The following FUT9 variants were observed in gnomAD, a reference collection of about 807,000 sequenced individuals.
The protein encoded by FUT9 is 4-galactosyl-N-acetylglucosaminide 3-alpha-L-fucosyltransferase 9.
In FUT9, 15 loss-of-function variants were observed where a neutral mutation model predicts 29.7. That is an observed-to-expected ratio of 0.51 (90% CI 0.34 to 0.78). The LOEUF (loss-of-function observed/expected upper bound fraction) is 0.78. FUT9 is among the 30% of genes least tolerant of loss of function. The pLI, the probability that FUT9 is intolerant of heterozygous loss-of-function variation, is 0.01. For synonymous variants in FUT9, 169 were observed against 153.7 expected, an observed-to-expected ratio of 1.10 and a Z score of -0.74; for missense variants, 319 against 425.4, an observed-to-expected ratio of 0.75 and a Z score of 2.20.
chr6:96,063,433 C>CT (rs1286362528), intron 1 of FUT9, among the ~76,000 whole-genome samples: 1 of 152,046 alleles, frequency 6.6e-6, no homozygotes, highest in Non-Finnish European at 1.5e-5. Context: ...GGGGGGCACA[C>CT]TTTACAACAA....
At chr6:96,147,940 G>A (rs1203630999) in intron 2 of FUT9, among the ~76,000 whole-genome samples, 2 of 151,248 alleles carry the variant, frequency 1.3e-5, no homozygotes, top group African/African-American at 2.4e-5. Flanking sequence ...AGAGATAAAG[G>A]TAAAAGAACC....
chr6:96,109,181 C>A (rs72929980), intron 1 of FUT9, among the ~76,000 whole-genome samples: 6,168 of 152,208 alleles, frequency 0.041, 177 homozygotes, highest in South Asian at 0.12. Context: ...GTCATCTGGT[C>A]AGCTGAATTA....
intron 2 of FUT9, among the ~76,000 whole-genome samples, chr6:96,151,489 C>A (rs1428634676): frequency 6.6e-6 from 1 of 152,058 alleles, no homozygotes; most frequent in Non-Finnish European, 1.5e-5. Flanking sequence ...TTTAAGGGAC[C>A]AGCCTTCTTT....
intron 1 of FUT9, among the ~76,000 whole-genome samples, chr6:96,099,129 C>G (rs1771546294): frequency 1.3e-5 from 2 of 151,902 alleles, no homozygotes; most frequent in South Asian, 4.1e-4. Flanking sequence ...CATATTTTAC[C>G]TTAGGATGTG....
intron 2 of FUT9, among the ~76,000 whole-genome samples, chr6:96,140,320 T>C (rs528454638): frequency 6.6e-6 from 1 of 152,324 alleles, no homozygotes; most frequent in Admixed American, 6.5e-5. Flanking sequence ...CACATCTTAC[T>C]GTCTTCTGAG....
intron 1 of FUT9, among the ~76,000 whole-genome samples, chr6:96,040,171 G>A (rs1164629139): frequency 1.3e-5 from 2 of 152,100 alleles, no homozygotes; most frequent in Admixed American, 1.3e-4. Context: ...GATTGTCTTT[G>A]TTATCCCACT....
Position 96,100,976 on chromosome 6 carries a change from G to A in FUT9, c.-97-13063G>A, listed in dbSNP as rs188882668. ...TTTAGGAGGCATCAGGATTAAAGAC[G>A]GCATCAAGATTTCTACTTAGTACAT... On this transcript the variant is annotated intron_variant, in intron 1 of 2. Transcript: ENST00000302103. 3.0e-3 allele frequency among the ~76,000 whole-genome samples: 459 copies of A among 152,184 alleles called. 1 individual carries two copies. Among genetic ancestry groups the A allele is most frequent in the African/African-American group, 0.01 (430 of 41,514 alleles).
intron 1 of FUT9, among the ~76,000 whole-genome samples, chr6:96,113,801 C>T (rs1238145912): frequency 6.7e-6 from 1 of 149,904 alleles, no homozygotes; most frequent in African/African-American, 2.4e-5. Flanking sequence ...TTGCAGTAAG[C>T]CGAGATCATG....
intron 1 of FUT9, among the ~76,000 whole-genome samples, chr6:96,053,420 A>G (rs1254860809): frequency 1.3e-5 from 2 of 152,138 alleles, no homozygotes; most frequent in Non-Finnish European, 2.9e-5. Flanking sequence ...AAGAAAATAA[A>G]TTTATAGGCC....
intron 2 of FUT9, among the ~76,000 whole-genome samples, chr6:96,154,308 C>T (rs1772735114): frequency 6.6e-6 from 1 of 151,930 alleles, no homozygotes; most frequent in Non-Finnish European, 1.5e-5. Flanking sequence ...CTTCTTATTC[C>T]CTTTAGTCAT....
intron 1 of FUT9, among the ~76,000 whole-genome samples, chr6:96,032,058 C>A (rs1770271680): frequency 6.6e-6 from 1 of 151,452 alleles, no homozygotes; most frequent in East Asian, 1.9e-4. Flanking sequence ...AACTGATGTA[C>A]CTATGTTATG....
In FUT9 at chr6:96,203,510, A is replaced by G; in HGVS notation, c.355A>G (p.Asn119Asp). 1 of 1,613,104 alleles carries G rather than the reference A, an allele frequency of 6.2e-7. No homozygotes were observed. The highest frequency in any genetic ancestry group is 8.5e-7 in the Non-Finnish European group (1 of 1,179,582). The change falls in exon 3 of 3, where the codon AAT (asparagine) becomes GAT (aspartate). Residue 119 changes from asparagine to aspartate, a missense_variant. Physicochemically the swap from Asn to Asp is conservative, Grantham distance 23. Coordinates refer to ENST00000302103, the MANE Select transcript of FUT9 (RefSeq NM_006581.4). ...CCGAGACATCAGTTGGGATCTGACA[A>G]ATTTACCTCAGCAAGCTAGGCCACC... is the stretch of plus-strand genomic sequence containing the variant. Reference protein sequence around the residue: ...HHRDISWDLTNLPQQARPPFQ... With the variant: ...HHRDISWDLTDLPQQARPPFQ...
Position 96,018,991 on chromosome 6 carries a change from T to G in FUT9, c.-98+2779T>G, listed in dbSNP as rs1242152668. 3.9e-5 allele frequency among the ~76,000 whole-genome samples: 6 copies of G among 151,948 alleles called. No individual in the cohort carries two copies. The South Asian group carries it at 8.3e-4, about 21-fold the overall frequency. On this transcript the variant is annotated intron_variant, in intron 1 of 2. Transcript: ENST00000302103. The stretch of plus-strand genomic sequence containing the variant: ...TCTATTATTTGGTATTATTTTGGTA[T>G]TTGGAATAGCAATTGTTTTCCCACT...
intron 1 of FUT9, among the ~76,000 whole-genome samples, chr6:96,078,545 C>G (rs540361522): frequency 2.0e-5 from 3 of 150,664 alleles, no homozygotes; most frequent in East Asian, 2.0e-4. Context: ...CTCAGCCTCC[C>G]GAGTAGCTGG....
intron 1 of FUT9, among the ~76,000 whole-genome samples, chr6:96,094,974 T>C (rs1042224792): frequency 6.6e-6 from 1 of 152,064 alleles, no homozygotes; most frequent in African/African-American, 2.4e-5. Flanking sequence ...ACCCAAAGTG[T>C]AGCACAATTT....
chr6:96,150,384 G>A (rs756709264), intron 2 of FUT9, among the ~76,000 whole-genome samples: 8 of 152,140 alleles, frequency 5.3e-5, no homozygotes, highest in Non-Finnish European at 8.8e-5. Context: ...AGGAGAAGGA[G>A]GTGTGAGGCA....
At chr6:96,148,942 G>A (rs983911116) in intron 2 of FUT9, among the ~76,000 whole-genome samples, 2 of 152,066 alleles carry the variant, frequency 1.3e-5, no homozygotes, top group Admixed American at 6.6e-5. Flanking sequence ...ATCACCTGAG[G>A]TCAGGAGTTC....
intron 1 of FUT9, among the ~76,000 whole-genome samples, chr6:96,097,347 T>C (rs1392112532): frequency 1.3e-5 from 2 of 152,202 alleles, no homozygotes. Context: ...CTTCCAATCC[T>C]GCTTTTTGCG....
chr6:96,093,938 C>T (rs1771454808), intron 1 of FUT9, among the ~76,000 whole-genome samples: 2 of 152,018 alleles, frequency 1.3e-5, no homozygotes, highest in African/African-American at 4.8e-5. Context: ...ACTACTGAAC[C>T]CTAATTTGGT....
Sources: allele counts gnomAD v4.1 joint callset (sites outside exome capture counted in the v4.1 genomes callset), GRCh38; gene constraint gnomAD v4.1.1; transcripts MANE v1.5; gene names NCBI Gene and HGNC (gene_info 2026-07-23, HGNC 2026-07-21).